FGF14: variants seen among roughly 807,000 people sequenced by gnomAD.
FGF14 encodes fibroblast growth factor 14, also known as fibroblast growth factor homologous factor 4.
FGF14 carries 5 observed loss-of-function variants against 25.5 expected under a neutral mutation model. The observed-to-expected ratio is 0.20, with a 90% CI of 0.10 to 0.41. The LOEUF (loss-of-function observed/expected upper bound fraction) is 0.41. Among genes scored for constraint, FGF14 ranks in the 10% least tolerant of loss-of-function variants. The pLI is 1.00. For synonymous variants in FGF14, 138 were observed against 118.3 expected (o/e 1.17, Z -1.08); for missense variants, 222 against 320.1 (o/e 0.69, Z 2.34).
chr13:102,253,180 T>C (rs1312296818), intron 1 of FGF14, among the ~76,000 whole-genome samples: 1 of 152,218 alleles, frequency 6.6e-6, no homozygotes, highest in Non-Finnish European at 1.5e-5. Flanking sequence ...TTTGGGTATA[T>C]ACGCAGTAAT....
chr13:102,040,931 A>G (rs1424649857), intron 1 of FGF14, among the ~76,000 whole-genome samples: 1 of 152,112 alleles, frequency 6.6e-6, no homozygotes, highest in Admixed American at 6.6e-5. Context: ...TATTCTTGGT[A>G]GTAAAAAATC....
intron 1 of FGF14, among the ~76,000 whole-genome samples, chr13:102,276,357 AT>A (rs2053549582): frequency 5.2e-5 from 4 of 76,896 alleles, no homozygotes; most frequent in Admixed American, 4.6e-4. Context: ...GTGTGTGTAT[AT>A]ATATATATAT....
chr13:102,326,979 A>G (rs1267473183), intron 1 of FGF14, among the ~76,000 whole-genome samples: 2 of 152,194 alleles, frequency 1.3e-5, no homozygotes, highest in African/African-American at 4.8e-5. Flanking sequence ...CATGTGTTAA[A>G]CCATAATAAT....
At chr13:102,294,760 A>G (rs368698618) in intron 1 of FGF14, among the ~76,000 whole-genome samples, 1 of 152,090 alleles carries the variant, frequency 6.6e-6, no homozygotes, top group African/African-American at 2.4e-5. Context: ...CCTAGTCTAT[A>G]TAGTTAGACT....
intron 3 of FGF14, among the ~76,000 whole-genome samples, chr13:101,728,163 G>A (rs1487346739): frequency 6.6e-6 from 1 of 152,112 alleles, no homozygotes; most frequent in Non-Finnish European, 1.5e-5. Context: ...AATTTATTCA[G>A]TGTGCTGAAT....
In FGF14 at chr13:101,843,409, A is replaced by G. The variant is rs141805870; in HGVS notation, c.408+25316T>C. On this transcript the variant is annotated intron_variant, in intron 3 of 4. Coordinates refer to ENST00000376143, the MANE Select transcript of FGF14 (RefSeq NM_004115.4). ...TAAGGGATCCACAGAGCTGAGTCTG[A>G]CAGTGGGGGGCAGGCCAATGCCTCC... is the stretch of plus-strand genomic sequence containing the variant. Among the ~76,000 whole-genome samples the G allele has an allele frequency of 1.8e-3, 281 of 152,108 alleles. 1 individual carries two copies. The highest frequency in any genetic ancestry group is 3.1e-3 in the Non-Finnish European group (210 of 67,944).
At chr13:101,782,396 C>T (rs1361085836) in intron 3 of FGF14, among the ~76,000 whole-genome samples, 2 of 152,058 alleles carry the variant, frequency 1.3e-5, no homozygotes, top group African/African-American at 4.8e-5. Context: ...TTGTATTTTA[C>T]TTTTGAGTTC....
At chr13:102,089,504 G>A (rs1262885819) in intron 1 of FGF14, among the ~76,000 whole-genome samples, 1 of 152,168 alleles carries the variant, frequency 6.6e-6, no homozygotes, top group African/African-American at 2.4e-5. Context: ...AGTATTTTTA[G>A]CAGTTAGCTA....
intron 2 of FGF14, among the ~76,000 whole-genome samples, chr13:101,870,002 A>G (rs2044960826): frequency 6.6e-6 from 1 of 152,208 alleles, no homozygotes; most frequent in Admixed American, 6.5e-5. Context: ...TGCTACACAA[A>G]TATAAAAGGA....
At chr13:102,329,089 A>G (rs934857508) in intron 1 of FGF14, among the ~76,000 whole-genome samples, 6 of 152,152 alleles carry the variant, frequency 3.9e-5, no homozygotes, top group Admixed American at 2.6e-4. Flanking sequence ...ACTATGACCT[A>G]ACTGCTGAAG....
chr13:101,850,926 T>A (rs2043813571), intron 3 of FGF14, among the ~76,000 whole-genome samples: 1 of 151,888 alleles, frequency 6.6e-6, no homozygotes, highest in Non-Finnish European at 1.5e-5. Context: ...CAGAAGGTGT[T>A]ACATATCATT....
intron 1 of FGF14, among the ~76,000 whole-genome samples, chr13:102,241,017 G>C (rs556468186): frequency 6.6e-6 from 1 of 152,006 alleles, no homozygotes; most frequent in Non-Finnish European, 1.5e-5. Flanking sequence ...AGGGTGGGGG[G>C]AATATGCAAA....
At chr13:102,277,938 A>C (rs556302315) in intron 1 of FGF14, among the ~76,000 whole-genome samples, 4 of 152,338 alleles carry the variant, frequency 2.6e-5, no homozygotes, top group African/African-American at 9.6e-5. Context: ...AAATGGGATC[A>C]TATCTGCTCA....
intron 1 of FGF14, among the ~76,000 whole-genome samples, chr13:101,959,714 T>C (rs2036724553): frequency 6.6e-6 from 1 of 152,192 alleles, no homozygotes; most frequent in African/African-American, 2.4e-5. Flanking sequence ...GAGTGTTTTG[T>C]TCATACTCTA....
chr13:102,018,458 A>G (rs1047060605), intron 1 of FGF14, among the ~76,000 whole-genome samples: 4 of 152,102 alleles, frequency 2.6e-5, no homozygotes, highest in African/African-American at 9.7e-5. Context: ...AGTCAATGAA[A>G]ATAGTTTCCA....
intron 1 of FGF14, among the ~76,000 whole-genome samples, chr13:102,265,821 AAT>A (rs1047385168): frequency 5.9e-5 from 9 of 152,268 alleles, no homozygotes; most frequent in African/African-American, 1.9e-4. Flanking sequence ...AATCAATAAA[AAT>A]ATTTTTTAAA....
intron 1 of FGF14, among the ~76,000 whole-genome samples, chr13:101,909,993 CA>C (rs1359994146): frequency 6.7e-6 from 1 of 148,482 alleles, no homozygotes; most frequent in Non-Finnish European, 1.5e-5. Flanking sequence ...ATCACCAGGA[CA>C]AAAAAACCAA....
At chr13:101,968,701 A>G (rs558133964) in intron 1 of FGF14, among the ~76,000 whole-genome samples, 1 of 149,980 alleles carries the variant, frequency 6.7e-6, no homozygotes, top group African/African-American at 2.4e-5. Context: ...CCTCAATATC[A>G]ATATTTCCTG....
At chr13:101,908,664 C>T (rs1169414022) in intron 1 of FGF14, among the ~76,000 whole-genome samples, 1 of 152,146 alleles carries the variant, frequency 6.6e-6, no homozygotes, top group Non-Finnish European at 1.5e-5. Flanking sequence ...GGCCATACTG[C>T]CCAAGGTCAT....
Sources: allele counts gnomAD v4.1 joint callset (sites outside exome capture counted in the v4.1 genomes callset), GRCh38; gene constraint gnomAD v4.1.1; transcripts MANE v1.5; gene names NCBI Gene and HGNC (gene_info 2026-07-23, HGNC 2026-07-21).